The following SUMF1 variants were observed in gnomAD, a reference collection of about 807,000 sequenced individuals.
SUMF1 encodes formylglycine-generating enzyme.
In SUMF1, 48 loss-of-function variants were observed where a neutral mutation model predicts 47.6. The observed-to-expected ratio is 1.01, with a 90% confidence interval of 0.80 to 1.28. The LOEUF (loss-of-function observed/expected upper bound fraction) is 1.28, where lower values mean the gene tolerates loss of function less well. Ranked by LOEUF, SUMF1 falls within the 50% of genes most tolerant of loss-of-function variation. SUMF1 has a pLI of 0.00. For synonymous variants in SUMF1, 230 were observed against 192.1 expected, an observed-to-expected ratio of 1.20 and a Z score of -1.63; for missense variants, 571 against 485.4, an observed-to-expected ratio of 1.18 and a Z score of -1.66.
intron 7 of SUMF1, among the ~76,000 whole-genome samples, chr3:4,410,575 G>A (rs1224091357): frequency 6.6e-6 from 1 of 152,104 alleles, no homozygotes; most frequent in Non-Finnish European, 1.5e-5. Flanking sequence ...TATCATGCAT[G>A]CTTTGATCAA....
intron 8 of SUMF1, among the ~76,000 whole-genome samples, chr3:4,126,248 T>A (rs1169313714): frequency 6.6e-6 from 1 of 151,536 alleles, no homozygotes; most frequent in African/African-American, 2.4e-5. Flanking sequence ...CAGTTAAAAG[T>A]AGGACTGTAT....
chr3:4,344,869 A>G (rs308718), intron 8 of SUMF1, among the ~76,000 whole-genome samples: 85,023 of 151,980 alleles, frequency 0.56, 26,943 homozygotes, highest in African/African-American at 0.88. Flanking sequence ...AACACAGCAC[A>G]AGTACTTCGT....
downstream of SUMF1, among the ~76,000 whole-genome samples, chr3:4,360,360 T>G (rs1188045077): frequency 1.3e-5 from 2 of 151,738 alleles, no homozygotes; most frequent in African/African-American, 2.4e-5. Context: ...CAAAGTCTTG[T>G]TCTCTTATCC....
intron 3 of SUMF1, among the ~76,000 whole-genome samples, chr3:4,445,307 G>A (rs1194916327): frequency 1.3e-5 from 2 of 152,144 alleles, no homozygotes; most frequent in Non-Finnish European, 2.9e-5. Flanking sequence ...CATGGTTTCA[G>A]TGTAAAATAA....
At chr3:4,069,209 C>A (rs1036048886) in intron 8 of SUMF1, among the ~76,000 whole-genome samples, 1 of 152,060 alleles carries the variant, frequency 6.6e-6, no homozygotes, top group African/African-American at 2.4e-5. Context: ...ATGTAACAGG[C>A]AAACAAAAGT....
At chr3:4,425,540 G>C (rs908570855) in intron 3 of SUMF1, among the ~76,000 whole-genome samples, 5 of 152,128 alleles carry the variant, frequency 3.3e-5, no homozygotes, top group African/African-American at 4.8e-5. Context: ...TCAGAGTACT[G>C]ATCAACTGAG....
chr3:4,394,180 T>A (rs193080335), intron 7 of SUMF1, among the ~76,000 whole-genome samples: 5 of 152,198 alleles, frequency 3.3e-5, no homozygotes, highest in African/African-American at 1.2e-4. Flanking sequence ...GCTTTTTTTG[T>A]GTGTTTTGAG....
intron 8 of SUMF1, chr3:4,303,502 G>A (rs201457479): frequency 6.9e-6 from 10 of 1,454,172 alleles, no homozygotes; most frequent in Non-Finnish European, 9.0e-6. Flanking sequence ...CGTGGCCCCC[G>A]GGGGCCGCGC....
chr3:4,325,306 G>A (rs1325672127), intron 8 of SUMF1, among the ~76,000 whole-genome samples: 1 of 151,806 alleles, frequency 6.6e-6, no homozygotes, highest in Admixed American at 6.6e-5. Context: ...TATCCACATG[G>A]CTAGGAAGGC....
At chr3:4,260,516 C>T (rs1559625627) in intron 8 of SUMF1, among the ~76,000 whole-genome samples, 1 of 152,086 alleles carries the variant, frequency 6.6e-6, no homozygotes, top group Non-Finnish European at 1.5e-5. Context: ...AGTTTCCAGC[C>T]CTGATTATCA....
Position 4,088,385 on chromosome 3 carries a change from G to C in SUMF1, c.1015-19640C>G, listed in dbSNP as rs148299078. On this transcript the variant is annotated intron_variant and NMD_transcript_variant, in intron 8 of 12. Coordinates refer to the SUMF1 transcript ENST00000448413. ...CCTCACACTGAGACAATATATATTTGCCCAAAAAATGTTTTGTGAACAACT... is the reference window on the plus strand; with the variant it reads ...CCTCACACTGAGACAATATATATTTCCCCAAAAAATGTTTTGTGAACAACT... Among the ~76,000 whole-genome samples, 126 of 151,946 alleles carry C rather than the reference G, an allele frequency of 8.3e-4. 3 individuals carry two copies. Among genetic ancestry groups the C allele is most frequent in the African/African-American group, 2.8e-3 (116 of 41,458 alleles).
At chr3:4,421,817 C>T (rs962240656) in intron 3 of SUMF1, among the ~76,000 whole-genome samples, 1 of 152,114 alleles carries the variant, frequency 6.6e-6, no homozygotes, top group Non-Finnish European at 1.5e-5. Context: ...AATACAAATA[C>T]AAAAGAAAGT....
intron 9 of SUMF1, among the ~76,000 whole-genome samples, chr3:4,057,283 G>C (rs1695209267): frequency 6.6e-6 from 1 of 152,072 alleles, no homozygotes. Flanking sequence ...CCAAACCAAA[G>C]AATAAAGTCA....
At chr3:4,250,226 G>C (rs1359019401) in intron 8 of SUMF1, among the ~76,000 whole-genome samples, 2 of 145,808 alleles carry the variant, frequency 1.4e-5, no homozygotes, top group Non-Finnish European at 3.0e-5. Flanking sequence ...AGGAAAGAAA[G>C]AAAGGGAGAG....
chr3:4,453,539 T>TC (rs1290248492), intron 1 of SUMF1, among the ~76,000 whole-genome samples: 4 of 151,274 alleles, frequency 2.6e-5, no homozygotes, highest in African/African-American at 9.7e-5. Context: ...ACTAATTTTT[T>TC]TTTTTTTTTT....
intron 8 of SUMF1, among the ~76,000 whole-genome samples, chr3:4,147,024 C>T (rs1177999214): frequency 6.6e-6 from 1 of 152,130 alleles, no homozygotes; most frequent in African/African-American, 2.4e-5. Context: ...TGAACAGACA[C>T]TTCTCAAGAC....
At chr3:4,265,663 C>A (rs913291968) in intron 8 of SUMF1, among the ~76,000 whole-genome samples, 11 of 152,170 alleles carry the variant, frequency 7.2e-5, no homozygotes, top group Non-Finnish European at 8.8e-5. Flanking sequence ...CGAAAATTTT[C>A]TCCCATTTTC....
chr3:4,194,878 A>T (rs1695395521), intron 8 of SUMF1, among the ~76,000 whole-genome samples: 1 of 152,142 alleles, frequency 6.6e-6, no homozygotes, highest in South Asian at 2.1e-4. Flanking sequence ...CTAGCGGTAA[A>T]ATATAAGCTA....
At chr3:4,139,435 A>G (rs1049870344) in intron 8 of SUMF1, among the ~76,000 whole-genome samples, 3 of 152,010 alleles carry the variant, frequency 2.0e-5, no homozygotes, top group Non-Finnish European at 4.4e-5. Flanking sequence ...GGAATTTATA[A>G]TAAAGAGTCA....
Sources: allele counts gnomAD v4.1 joint callset (sites outside exome capture counted in the v4.1 genomes callset), GRCh38; gene constraint gnomAD v4.1.1; transcripts MANE v1.5; gene names NCBI Gene and HGNC (gene_info 2026-07-23, HGNC 2026-07-21).